Variants in DGLUCY observed in about 807,000 individuals in gnomAD.
DGLUCY encodes the protein D-glutamate cyclase, also known as D-glutamate cyclase, mitochondrial.
DGLUCY carries 58 observed loss-of-function variants against 58.5 expected under a neutral mutation model. The observed-to-expected ratio is 0.99, with a 90% CI of 0.80 to 1.23. DGLUCY has a LOEUF of 1.23. DGLUCY is among the 50% of genes most tolerant of loss of function. The pLI is 0.00. For missense variants in DGLUCY, 779 were observed against 784.7 expected (o/e 0.99, Z 0.09); for synonymous variants, 325 against 314.1 (o/e 1.03, Z -0.37).
intron 10 of DGLUCY, among the ~76,000 whole-genome samples, chr14:91,198,973 T>C (rs2050389876): frequency 6.6e-6 from 1 of 152,226 alleles, no homozygotes; most frequent in African/African-American, 2.4e-5. Context: ...CTTATTTCTC[T>C]GTTTCTATCT....
chr14:91,089,917 A>T (rs1271769118), intron 1 of DGLUCY, among the ~76,000 whole-genome samples: 1 of 152,156 alleles, frequency 6.6e-6, no homozygotes, highest in Non-Finnish European at 1.5e-5. Context: ...GGACGTTATT[A>T]GTAATTACTC....
At chr14:91,118,990 A>G (rs1595676740) in intron 1 of DGLUCY, among the ~76,000 whole-genome samples, 2 of 152,260 alleles carry the variant, frequency 1.3e-5, no homozygotes, top group South Asian at 2.1e-4. Flanking sequence ...TTTAAATTAT[A>G]CTACTACTAC....
At chr14:91,094,574 C>G (rs963681795) in intron 1 of DGLUCY, among the ~76,000 whole-genome samples, 2 of 151,864 alleles carry the variant, frequency 1.3e-5, no homozygotes, top group African/African-American at 4.8e-5. Flanking sequence ...GGCGCAATGG[C>G]TCACTCCTAT....
intron 4 of DGLUCY, 160 bp downstream of exon 4, chr14:91,167,538 C>T: frequency 1.1e-6 from 1 of 927,440 alleles, no homozygotes; most frequent in Non-Finnish European, 1.7e-6. Flanking sequence ...GAGCTGCCCT[C>T]CCCACTGTTC....
intron 5 of DGLUCY, among the ~76,000 whole-genome samples, chr14:91,171,498 C>G (rs1169200518): frequency 1.3e-5 from 2 of 152,234 alleles, no homozygotes; most frequent in African/African-American, 4.8e-5. Flanking sequence ...TGGCCACCCC[C>G]AGACGGGATG....
At chr14:91,080,482 T>G (rs1443763654) in intron 1 of DGLUCY, among the ~76,000 whole-genome samples, 2 of 152,192 alleles carry the variant, frequency 1.3e-5, no homozygotes, top group Non-Finnish European at 1.5e-5. Flanking sequence ...GCGATTCTCC[T>G]GCCTCAGCCT....
intron 13 of DGLUCY, among the ~76,000 whole-genome samples, chr14:91,224,461 G>T (rs78066180): frequency 0.051 from 7,835 of 152,194 alleles, 277 homozygotes; most frequent in East Asian, 0.18. Context: ...AACTATTCCC[G>T]TGATTGTTTC....
chr14:91,118,281 C>A (rs1371486789), intron 1 of DGLUCY, among the ~76,000 whole-genome samples: 12 of 151,666 alleles, frequency 7.9e-5, no homozygotes, highest in African/African-American at 2.9e-4. Context: ...TTTAGTAGAG[C>A]CAGGGTTTCA....
intron 1 of DGLUCY, among the ~76,000 whole-genome samples, chr14:91,065,204 T>A (rs1354430292): frequency 1.3e-5 from 2 of 152,142 alleles, no homozygotes; most frequent in African/African-American, 2.4e-5. Context: ...AATAGATCTA[T>A]CCAGGCAGCT....
At chr14:91,208,946 A>G (rs2140672063) in intron 12 of DGLUCY, among the ~76,000 whole-genome samples, 1 of 152,336 alleles carries the variant, frequency 6.6e-6, no homozygotes, top group East Asian at 1.9e-4. Context: ...TAGAATTTAC[A>G]TGCTAAGAAA....
At chr14:91,108,782 C>G (rs1222846329) in intron 1 of DGLUCY, among the ~76,000 whole-genome samples, 1 of 152,170 alleles carries the variant, frequency 6.6e-6, no homozygotes, top group African/African-American at 2.4e-5. Flanking sequence ...AGGGGATCTA[C>G]CAACCTCGGC....
chr14:91,222,583 T>C (rs2140802281), intron 13 of DGLUCY, among the ~76,000 whole-genome samples: 1 of 152,332 alleles, frequency 6.6e-6, no homozygotes, highest in East Asian at 1.9e-4. Flanking sequence ...AACATCCTTC[T>C]TGGCCCCCAG....
chr14:91,127,093 G>A (rs2045748038), intron 1 of DGLUCY, among the ~76,000 whole-genome samples: 1 of 111,490 alleles, frequency 9.0e-6, no homozygotes, highest in South Asian at 2.7e-4. Flanking sequence ...ATTTCCCTCT[G>A]TCACCCAGGC....
chr14:91,171,176 G>A (rs967241792), intron 5 of DGLUCY, among the ~76,000 whole-genome samples: 1 of 152,172 alleles, frequency 6.6e-6, no homozygotes, highest in Non-Finnish European at 1.5e-5. Flanking sequence ...CATTTTAGAT[G>A]AGGAAACCGA....
chr14:91,167,590 T>A, intron 4 of DGLUCY: 2 of 731,148 alleles, frequency 2.7e-6, no homozygotes, highest in Non-Finnish European at 4.9e-6. Context: ...CTGGCTGAGA[T>A]CTTTGAGATC....
At chr14:91,168,447 C>G (rs1303423888) in intron 4 of DGLUCY, among the ~76,000 whole-genome samples, 1 of 152,088 alleles carries the variant, frequency 6.6e-6, no homozygotes, top group East Asian at 1.9e-4. Context: ...CTGTCATGAT[C>G]ATTTTAGGAC....
At chr14:91,063,252 T>G (rs2043762854) in intron 1 of DGLUCY, among the ~76,000 whole-genome samples, 1 of 145,140 alleles carries the variant, frequency 6.9e-6, no homozygotes, top group Non-Finnish European at 1.5e-5. Context: ...CAGGAAGACT[T>G]TTTTTTTTTT....
upstream of DGLUCY, among the ~76,000 whole-genome samples, chr14:91,105,881 C>T (rs901709931): frequency 4.6e-5 from 7 of 152,194 alleles, no homozygotes; most frequent in Non-Finnish European, 1.0e-4. Context: ...TGGTCTATTA[C>T]TCCTGGGCCA....
chr14:91,067,080 C>CA (rs778098019), intron 1 of DGLUCY, among the ~76,000 whole-genome samples: 5,795 of 70,678 alleles, frequency 0.082, 511 homozygotes, highest in African/African-American at 0.19. Context: ...GACTCCATCT[C>CA]AAAAAAAAAA....
Sources: gnomAD v4.1 joint callset for allele counts (sites outside exome capture counted in the v4.1 genomes callset) on GRCh38, gnomAD v4.1.1 for gene constraint, MANE v1.5 for transcripts, NCBI Gene and HGNC (gene_info 2026-07-23, HGNC 2026-07-21) for gene names.